NEMF: variants seen among roughly 807,000 people sequenced by gnomAD.
The protein encoded by NEMF is ribosome quality control complex subunit NEMF.
In NEMF, 89 loss-of-function variants were observed where a neutral mutation model predicts 162.2. The ratio of observed to expected loss-of-function variants is 0.55; its 90% CI spans 0.46 to 0.65. The LOEUF (loss-of-function observed/expected upper bound fraction) is 0.65, where lower values mean the gene tolerates loss of function less well. Ranked by LOEUF, NEMF falls within the 30% of genes least tolerant of loss-of-function variation. The pLI is 0.00. For synonymous variants in NEMF, 421 were observed against 404.5 expected (o/e 1.04, Z -0.49); for missense variants, 1,133 against 1,261.9 (o/e 0.90, Z 1.55).
chr14:49,798,507 A>G (rs971581544), intron 25 of NEMF, among the ~76,000 whole-genome samples: 3 of 152,234 alleles, frequency 2.0e-5, no homozygotes, highest in Non-Finnish European at 4.4e-5. Context: ...TTTGTGACCA[A>G]AAATATGCCA....
intron 16 of NEMF, among the ~76,000 whole-genome samples, chr14:49,816,760 G>A (rs1343732401): frequency 6.6e-6 from 1 of 152,198 alleles, no homozygotes; most frequent in African/African-American, 2.4e-5. Flanking sequence ...CTGAATGGAT[G>A]CACTACACTT....
At chr14:49,806,512 G>A (rs1365014139) in intron 18 of NEMF, among the ~76,000 whole-genome samples, 7 of 150,842 alleles carry the variant, frequency 4.6e-5, no homozygotes, top group African/African-American at 9.7e-5. Context: ...CACCCACCTC[G>A]GCCTCCCAGA....
At chr14:49,797,635 C>CA (rs1352028873) in intron 25 of NEMF, among the ~76,000 whole-genome samples, 16 of 151,246 alleles carry the variant, frequency 1.1e-4, no homozygotes, top group East Asian at 3.9e-4. Flanking sequence ...GACTCCGTCT[C>CA]AAAAAAAACA....
At chr14:49,811,336 T>C (rs1228196521) in intron 18 of NEMF, among the ~76,000 whole-genome samples, 2 of 152,250 alleles carry the variant, frequency 1.3e-5, no homozygotes, top group African/African-American at 4.8e-5. Flanking sequence ...TTATTAGCTC[T>C]GATAATTACT....
chr14:49,836,185 A>T (rs1040742854), intron 6 of NEMF, among the ~76,000 whole-genome samples: 2 of 152,128 alleles, frequency 1.3e-5, no homozygotes, highest in African/African-American at 2.4e-5. Context: ...AGGCTGAGGC[A>T]AGACAATCAC....
intron 18 of NEMF, among the ~76,000 whole-genome samples, chr14:49,812,030 C>T (rs571834879): frequency 2.6e-5 from 4 of 152,128 alleles, no homozygotes; most frequent in African/African-American, 9.7e-5. Flanking sequence ...GTGAAGCCAT[C>T]TGGCCTAGGG....
intron 23 of NEMF, among the ~76,000 whole-genome samples, 173 bp from the exon 24 acceptor site, chr14:49,799,851 T>A (rs1244120270): frequency 6.6e-6 from 1 of 152,214 alleles, no homozygotes; most frequent in Non-Finnish European, 1.5e-5. Flanking sequence ...CACTTCCATA[T>A]ACATTTTTAA....
At chr14:49,840,585 T>C in intron 5 of NEMF, 133 bp downstream of exon 5, 2 of 726,792 alleles carry the variant, frequency 2.8e-6, no homozygotes, top group South Asian at 4.0e-5. Context: ...TAAAACAAAA[T>C]ATTTTATCTC....
Position 49,795,998 on chromosome 14 carries a change from G to A in NEMF, c.2466-54C>T. 3.4e-6 allele frequency: 5 copies of A among 1,469,034 alleles called. No individual in the cohort carries two copies. In the South Asian group the frequency reaches 5.0e-5, roughly 15 times the overall value. 91.0% of individuals were successfully genotyped at this position (1,469,034 alleles called of 1,614,324 possible). ...ATTCTTAGAATTTGAAATTCTTAGT[G>A]CCCTAAAAAAGTTCCATGGGGAAGG... On this transcript the variant is annotated intron_variant, in intron 25 of 32. Transcript: ENST00000298310.
intron 25 of NEMF, among the ~76,000 whole-genome samples, chr14:49,799,041 C>T (rs1890823510): frequency 6.6e-6 from 1 of 151,724 alleles, no homozygotes; most frequent in South Asian, 2.1e-4. Context: ...TGATGAAACC[C>T]TGTCTCTACA....
chr14:49,808,258 C>T (rs1475137417), intron 18 of NEMF, among the ~76,000 whole-genome samples: 4 of 152,102 alleles, frequency 2.6e-5, no homozygotes, highest in East Asian at 1.9e-4. Flanking sequence ...CTGCAACCTT[C>T]GCCTCCAGGG....
chr14:49,812,542 A>C (rs1041439369), intron 18 of NEMF, among the ~76,000 whole-genome samples: 3 of 152,152 alleles, frequency 2.0e-5, no homozygotes, highest in Non-Finnish European at 4.4e-5. Context: ...TTATAGCTAT[A>C]AATTACCCCC....
chr14:49,803,196 C>T (rs1447705638), intron 20 of NEMF, 41 bp downstream of exon 20: 3 of 1,341,764 alleles, frequency 2.2e-6, no homozygotes, highest in East Asian at 4.6e-5. Flanking sequence ...CTCCATAATC[C>T]ATTGACAAGT....
At chr14:49,819,365 T>C (rs542259991) in intron 16 of NEMF, among the ~76,000 whole-genome samples, 81 of 151,026 alleles carry the variant, frequency 5.4e-4, no homozygotes, top group African/African-American at 1.9e-3. Flanking sequence ...ATTATGCATA[T>C]GTATATAATA....
intron 26 of NEMF, among the ~76,000 whole-genome samples, chr14:49,790,480 T>C (rs933184251): frequency 3.3e-5 from 5 of 152,280 alleles, no homozygotes; most frequent in African/African-American, 1.2e-4. Flanking sequence ...GCTATCAGCA[T>C]ATACACACTT....
In NEMF at chr14:49,838,105, C is replaced by T. The variant is rs369548402; in HGVS notation, c.574+34G>A. The T allele has an allele frequency of 2.1e-5, 33 of 1,545,456 alleles. No homozygotes were observed. In the African/African-American group the frequency reaches 4.1e-4, roughly 19 times the overall value. On this transcript the variant is annotated intron_variant, in intron 6 of 32. Coordinates refer to ENST00000298310, the MANE Select transcript of NEMF (RefSeq NM_004713.6). ...TATTCCTGAAAACCACACTGCCTTGCAAACATTTCACTGCTATTTGCAGGA... is the reference window on the plus strand; with the variant it reads ...TATTCCTGAAAACCACACTGCCTTGTAAACATTTCACTGCTATTTGCAGGA...
intron 15 of NEMF, among the ~76,000 whole-genome samples, chr14:49,826,524 A>G (rs1334255509): frequency 7.0e-6 from 1 of 142,182 alleles, no homozygotes; most frequent in Non-Finnish European, 1.5e-5. Flanking sequence ...AAGAATAGGA[A>G]AAAGGGCATT....
chr14:49,783,011 CAG>C lies in NEMF; in HGVS notation c.*1623_*1624del, dbSNP rs1889983973. ...ATGGACAGCAATCCTGTAAACATCA[CAG>C]AGTGGCATCATTTGTATAATTATAT... On this transcript the variant is annotated 3_prime_UTR_variant, in exon 33 of 33. Transcript: ENST00000298310. The C allele has an allele frequency of 6.5e-7, 1 of 1,545,056 alleles. No homozygotes were observed. The highest frequency in any genetic ancestry group is 8.8e-7 in the Non-Finnish European group (1 of 1,134,554).
At chr14:49,840,372 G>GA (rs1321069236) in intron 5 of NEMF, among the ~76,000 whole-genome samples, 2 of 151,760 alleles carry the variant, frequency 1.3e-5, no homozygotes, top group African/African-American at 2.4e-5. Context: ...TGCGGCAGGA[G>GA]AATCGCTTGA....
Sources: allele counts gnomAD v4.1 joint callset (sites outside exome capture counted in the v4.1 genomes callset), GRCh38; gene constraint gnomAD v4.1.1; transcripts MANE v1.5; gene names NCBI Gene and HGNC (gene_info 2026-07-23, HGNC 2026-07-21).